The following IL19 variants were observed in gnomAD, a reference collection of about 807,000 sequenced individuals.
IL19 encodes the protein interleukin 19.
Under a neutral mutation model 19.5 loss-of-function variants are expected in IL19, and 15 were observed. That is an observed-to-expected ratio of 0.77 (90% CI 0.52 to 1.19). IL19 has a LOEUF of 1.19. IL19 is among the 50% of genes most tolerant of loss of function. The pLI, the probability that IL19 is intolerant of heterozygous loss-of-function variation, is 0.00. For missense variants in IL19, 199 were observed against 213.1 expected, an observed-to-expected ratio of 0.93 and a Z score of 0.41; for synonymous variants, 78 against 78.3, an observed-to-expected ratio of 1.00 and a Z score of 0.02.
At chr1:206,828,594 G>C (rs577789370) in intron 2 of IL19, among the ~76,000 whole-genome samples, 5 of 152,234 alleles carry the variant, frequency 3.3e-5, no homozygotes, top group Admixed American at 6.5e-5. Flanking sequence ...GGAGTGAAAG[G>C]TACGTAAACA....
chr1:206,777,635 T>C (rs1675042892), intron 1 of IL19, among the ~76,000 whole-genome samples: 1 of 152,078 alleles, frequency 6.6e-6, no homozygotes, highest in African/African-American at 2.4e-5. Flanking sequence ...GGCAACACGG[T>C]CAGCCGGCAG....
intron 2 of IL19, among the ~76,000 whole-genome samples, chr1:206,818,877 A>C (rs1234858819): frequency 7.0e-6 from 1 of 143,438 alleles, no homozygotes; most frequent in Non-Finnish European, 1.5e-5. Context: ...CAGTGGCATG[A>C]TCTTGGCTCA....
chr1:206,828,593 G>T (rs1009895160), intron 2 of IL19, among the ~76,000 whole-genome samples: 1 of 152,100 alleles, frequency 6.6e-6, no homozygotes, highest in African/African-American at 2.4e-5. Context: ...TGGAGTGAAA[G>T]GTACGTAAAC....
Position 206,798,139 on chromosome 1 carries a change from C to T in IL19, c.-148-722C>T, listed in dbSNP as rs1675570624. Among the ~76,000 whole-genome samples the T allele has an allele frequency of 3.3e-5, 5 of 152,154 alleles. No homozygotes were observed. The South Asian group carries it at 8.3e-4, about 25-fold the overall frequency. ...CCAGACCTCTTGCTGCCTAGTTCCTCTTTTAATTTTTTTTGAGATGGGGTC... is the reference window on the plus strand; with the variant it reads ...CCAGACCTCTTGCTGCCTAGTTCCTTTTTTAATTTTTTTTGAGATGGGGTC... On this transcript the variant is annotated intron_variant, in intron 1 of 6. Transcript: ENST00000659997.
intron 2 of IL19, chr1:206,833,904 G>C (rs1676695207): frequency 1.8e-5 from 18 of 985,580 alleles, no homozygotes; most frequent in Non-Finnish European, 1.9e-5. Flanking sequence ...ACTCATAGCT[G>C]CCTAAGGCAT....
chr1:206,805,906 C>A (rs947686760), intron 2 of IL19, among the ~76,000 whole-genome samples: 2 of 152,240 alleles, frequency 1.3e-5, no homozygotes, highest in Non-Finnish European at 2.9e-5. Context: ...TGCTGGCTCA[C>A]TTAATGAAGT....
At chr1:206,782,699 G>C (rs1675176920) in intron 1 of IL19, among the ~76,000 whole-genome samples, 1 of 152,142 alleles carries the variant, frequency 6.6e-6, no homozygotes, top group African/African-American at 2.4e-5. Context: ...GGGTTGATTT[G>C]CCAGTGACCT....
Position 206,839,886 on chromosome 1 carries a change from G to A in IL19, c.247G>A (p.Ala83Thr). Residue 83 changes from alanine (A) to threonine (T), a missense_variant, in exon 5 of 7, where the codon GCG (alanine) becomes ACG (threonine). Ala to Thr is a moderately conservative substitution (Grantham distance 58). Coordinates refer to ENST00000659997, the MANE Select transcript of IL19 (RefSeq NM_153758.5). ...DVCCVTKNLL[A>T]FYVDRVFKDH... ...GTGCTGCGTGACCAAGAACCTCCTG[G>A]CGTTCTACGTGGACAGGGTGTTCAA... is the stretch of plus-strand genomic sequence containing the variant. The A allele has an allele frequency of 6.2e-7, 1 of 1,614,040 alleles. No individual in the cohort carries two copies. Among genetic ancestry groups the A allele is most frequent in the Non-Finnish European group, 8.5e-7 (1 of 1,179,956 alleles).
At chr1:206,840,689 T>C (rs961890776) in intron 5 of IL19, 2 of 278,846 alleles carry the variant, frequency 7.2e-6, no homozygotes, top group Admixed American at 4.7e-5. Context: ...ATAATTAACA[T>C]TTAACAAATG....
intron 2 of IL19, among the ~76,000 whole-genome samples, chr1:206,823,750 C>T (rs746797505): frequency 1.3e-5 from 2 of 152,104 alleles, no homozygotes; most frequent in African/African-American, 2.4e-5. Flanking sequence ...TAACACTCTC[C>T]GTTGTCTGGA....
intron 2 of IL19, among the ~76,000 whole-genome samples, chr1:206,835,375 C>T (rs879832885): frequency 1.3e-4 from 20 of 152,200 alleles, no homozygotes; most frequent in Non-Finnish European, 2.1e-4. Flanking sequence ...ATGCCTGCCA[C>T]GTGGTAAGGT....
At position 206,827,235 on chromosome 1, in the gene IL19, GA is replaced by G. The variant is rs1345798739; in HGVS notation, c.-2-9425del. ...GGAGAAGGAAACAAAAAGTTGTCAG[GA>G]GTTAATGAATAGAAATATTATTTTT... On this transcript the variant is annotated intron_variant, in intron 2 of 6. Transcript: ENST00000659997. Among the ~76,000 whole-genome samples, 81 of 152,236 alleles carry G rather than the reference GA, an allele frequency of 5.3e-4. 1 individual carries two copies.
intron 1 of IL19, among the ~76,000 whole-genome samples, chr1:206,786,290 G>T (rs1252286466): frequency 6.6e-6 from 1 of 152,200 alleles, no homozygotes; most frequent in African/African-American, 2.4e-5. Context: ...GACTGTAACT[G>T]TACTGAGACT....
At chr1:206,818,882 G>T (rs1676226858) in intron 2 of IL19, among the ~76,000 whole-genome samples, 1 of 143,720 alleles carries the variant, frequency 7.0e-6, no homozygotes, top group Admixed American at 7.2e-5. Context: ...GCATGATCTT[G>T]GCTCACTGCA....
chr1:206,798,458 C>T (rs975195900), intron 1 of IL19, among the ~76,000 whole-genome samples: 1 of 152,162 alleles, frequency 6.6e-6, no homozygotes, highest in Non-Finnish European at 1.5e-5. Context: ...CTTCCCACCC[C>T]CAAGTCAATT....
At chr1:206,802,968 G>A (rs1247627663) in intron 2 of IL19, among the ~76,000 whole-genome samples, 2 of 152,234 alleles carry the variant, frequency 1.3e-5, no homozygotes, top group South Asian at 2.1e-4. Flanking sequence ...TGTGGCCCTG[G>A]AAGGGCGAGG....
chr1:206,799,426 A>T (rs1675620677), intron 2 of IL19, among the ~76,000 whole-genome samples: 1 of 152,164 alleles, frequency 6.6e-6, no homozygotes, highest in East Asian at 1.9e-4. Flanking sequence ...TATCCATGGG[A>T]TGGAAGCTGC....
intron 1 of IL19, 123 bp from the exon 2 acceptor site, chr1:206,798,738 A>G: frequency 1.7e-6 from 1 of 583,690 alleles, no homozygotes; most frequent in Non-Finnish European, 3.0e-6. Flanking sequence ...GGTTCAGAGT[A>G]GCTGGGTTGA....
chr1:206,771,048 A>T lies in IL19; in HGVS notation c.-179A>T. 6.2e-7 allele frequency: 1 copy of T among 1,614,108 alleles called. No individual in the cohort carries two copies. Among genetic ancestry groups the T allele is most frequent in the African/African-American group, 1.3e-5 (1 of 75,014 alleles). ...GGATCATCTCAGACAAGGCTTGGCA[A>T]CCCAGGTAACCCTAAGGGCAGGAGC... On this transcript the variant is annotated 5_prime_UTR_variant, in exon 1 of 7. Coordinates refer to ENST00000659997, the MANE Select transcript of IL19 (RefSeq NM_153758.5).
Sources: gnomAD v4.1 joint callset for allele counts (sites outside exome capture counted in the v4.1 genomes callset) on GRCh38, gnomAD v4.1.1 for gene constraint, MANE v1.5 for transcripts, NCBI Gene and HGNC (gene_info 2026-07-23, HGNC 2026-07-21) for gene names.